The following BRD7 variants were observed in gnomAD, a reference collection of about 807,000 sequenced individuals.
The protein encoded by BRD7 is bromodomain containing 7.
A neutral mutation model predicts 82.1 loss-of-function variants in BRD7; 15 were observed. That is an observed-to-expected ratio of 0.18 (90% CI 0.12 to 0.28). The LOEUF is 0.28. BRD7 is among the 10% of genes least tolerant of loss of function. The pLI is 1.00. For synonymous variants in BRD7, 232 were observed against 266.9 expected, an observed-to-expected ratio of 0.87 and a Z score of 1.27; for missense variants, 638 against 779.9, an observed-to-expected ratio of 0.82 and a Z score of 2.17.
intron 8 of BRD7, among the ~76,000 whole-genome samples, chr16:50,331,547 CA>C (rs771768329): frequency 2.8e-4 from 43 of 152,138 alleles, no homozygotes; most frequent in African/African-American, 4.6e-4. Flanking sequence ...ACAAAAAATA[CA>C]AAAATTAGCC....
rs559757827 is a variant in BRD7 at position 50,339,269 on chromosome 16, A to C, written c.702+707T>G. On this transcript the variant is annotated intron_variant, in intron 6 of 16. Transcript: ENST00000394688. ...GTATATAGTCACATGTAGCTTAATG[A>C]AGGGACGCGTTCTGAGAAATGTACT... is the stretch of plus-strand genomic sequence containing the variant. Among the ~76,000 whole-genome samples the C allele has an allele frequency of 1.4e-4, 21 of 152,326 alleles. No homozygotes were observed. In the South Asian group the frequency reaches 4.4e-3, roughly 32 times the overall value.
chr16:50,350,431 A>T (rs1434402157), intron 4 of BRD7, among the ~76,000 whole-genome samples: 2 of 152,232 alleles, frequency 1.3e-5, no homozygotes, highest in Non-Finnish European at 2.9e-5. Context: ...ACACTTATAC[A>T]GGAAAACATG....
At chr16:50,343,287 T>C (rs2038146724) in intron 5 of BRD7, among the ~76,000 whole-genome samples, 1 of 152,222 alleles carries the variant, frequency 6.6e-6, no homozygotes, top group Non-Finnish European at 1.5e-5. Context: ...CTTGCTGTTC[T>C]TGTGATAATG....
At chr16:50,333,347 G>A (rs761010219) in intron 8 of BRD7, among the ~76,000 whole-genome samples, 1 of 152,074 alleles carries the variant, frequency 6.6e-6, no homozygotes, top group Non-Finnish European at 1.5e-5. Context: ...CATCCAACAC[G>A]CCCACTGTAA....
At chr16:50,320,467 T>TAACC in intron 14 of BRD7, 76 bp from the exon 15 acceptor site, 1 of 1,557,390 alleles carries the variant, frequency 6.4e-7, no homozygotes, top group Non-Finnish European at 8.7e-7. Context: ...AGGGCTTTGC[T>TAACC]AATTATTGGT....
At chr16:50,357,065 G>A (rs1219917577) in intron 2 of BRD7, among the ~76,000 whole-genome samples, 2 of 151,500 alleles carry the variant, frequency 1.3e-5, no homozygotes, top group Non-Finnish European at 2.9e-5. Context: ...ATTTTATTTT[G>A]CAAGAAACAA....
At chr16:50,341,290 A>C (rs2038042413) in intron 5 of BRD7, among the ~76,000 whole-genome samples, 1 of 152,032 alleles carries the variant, frequency 6.6e-6, no homozygotes, top group Non-Finnish European at 1.5e-5. Context: ...TATGGTATCC[A>C]AAGGACCCTA....
At position 50,333,707 on chromosome 16, in the gene BRD7, T is replaced by C. The variant is rs750002652; in HGVS notation, c.888-10A>G. 1 of 1,454,420 alleles carries C rather than the reference T, an allele frequency of 6.9e-7. No homozygotes were observed. The highest frequency in any genetic ancestry group is 9.2e-7 in the Non-Finnish European group (1 of 1,085,136). 90.1% of individuals were successfully genotyped at this position (1,454,420 alleles called of 1,614,324 possible). A position where few individuals can be genotyped will look rare whatever the true frequency, so the allele number is the denominator to read the frequency against. ...CATATCTTTGTCTTTCCTGAAAATA[T>C]ACATTAATACTAAGTAAAAAAAAAA... On this transcript the variant is annotated splice_polypyrimidine_tract_variant and intron_variant, in intron 7 of 16. Transcript: ENST00000394688.
At chr16:50,349,428 A>C (rs1054538404) in intron 5 of BRD7, 12 of 375,952 alleles carry the variant, frequency 3.2e-5, no homozygotes, top group Non-Finnish European at 5.8e-5. Context: ...ACCATCTAAA[A>C]AAAAAAAAGA....
chr16:50,368,471 G>T (rs1445284361), intron 1 of BRD7, 173 bp from the exon 2 acceptor site: 1 of 807,968 alleles, frequency 1.2e-6, no homozygotes, highest in Non-Finnish European at 1.9e-6. Context: ...GGCGCCGCCC[G>T]CCCCGAACGC....
chr16:50,347,064 G>A (rs182196604), intron 5 of BRD7, among the ~76,000 whole-genome samples: 3 of 152,158 alleles, frequency 2.0e-5, no homozygotes, highest in African/African-American at 7.2e-5. Flanking sequence ...TATCCACCAC[G>A]ATCAAGTTGG....
At chr16:50,339,914 T>A in intron 6 of BRD7, 62 bp downstream of exon 6, 2 of 961,386 alleles carry the variant, frequency 2.1e-6, no homozygotes, top group Non-Finnish European at 3.2e-6. Flanking sequence ...TGTATTACTA[T>A]GGCCAACAAA....
chr16:50,320,279 G>A lies in BRD7; in HGVS notation c.1725C>T (p.Leu575=). The A allele has an allele frequency of 6.2e-7, 1 of 1,614,154 alleles. No individual in the cohort carries two copies. Among genetic ancestry groups the A allele is most frequent in the Non-Finnish European group, 8.5e-7 (1 of 1,180,016 alleles). The change falls in exon 15 of 17, where the codon CTC becomes CTT. Residue 575 remains leucine (L), a synonymous_variant. Coordinates refer to ENST00000394688, the MANE Select transcript of BRD7 (RefSeq NM_013263.5). ...STRPPPNMIC[L]LGPSYREMHL... is the part of the protein sequence containing the mutation. ...GCATTTCTCTGTATGAGGGACCCAAGAGACAGATCATGTTCGGAGGGGGTC... is the reference window on the plus strand; with the variant it reads ...GCATTTCTCTGTATGAGGGACCCAAAAGACAGATCATGTTCGGAGGGGGTC...
Position 50,368,309 on chromosome 16 carries a change from G to C in BRD7, c.50-11C>G. ...GCTTCTCTACATACTCTTAAAAAAA[G>C]AAAAGAAAAGAAAGGAAAGCGCGTC... On this transcript the variant is annotated splice_polypyrimidine_tract_variant and intron_variant, in intron 1 of 16. Coordinates refer to ENST00000394688, the MANE Select transcript of BRD7 (RefSeq NM_013263.5). 3.1e-6 allele frequency: 5 copies of C among 1,596,774 alleles called. No individual in the cohort carries two copies. Among genetic ancestry groups the C allele is most frequent in the Middle Eastern group, 1.7e-4 (1 of 5,980 alleles).
chr16:50,354,334 G>T, intron 4 of BRD7, 91 bp downstream of exon 4: 3 of 1,060,798 alleles, frequency 2.8e-6, no homozygotes, highest in South Asian at 2.8e-5. Context: ...TTAAAATCAC[G>T]TATGTTTGGA....
At chr16:50,321,352 G>A (rs1357830018) in intron 13 of BRD7, among the ~76,000 whole-genome samples, 1 of 152,080 alleles carries the variant, frequency 6.6e-6, no homozygotes, top group Non-Finnish European at 1.5e-5. Context: ...CCTGACATTA[G>A]GAGTTTGAAA....
chr16:50,323,455 C>A (rs527955926), intron 12 of BRD7, 132 bp downstream of exon 12: 1 of 725,590 alleles, frequency 1.4e-6, no homozygotes, highest in Non-Finnish European at 2.3e-6. Flanking sequence ...GGCCTCCAGC[C>A]GGGCTGGGCT....
At chr16:50,340,221 C>A (rs1261181632) in intron 5 of BRD7, 135 bp from the exon 6 acceptor site, 1 of 459,008 alleles carries the variant, frequency 2.2e-6, no homozygotes, top group Non-Finnish European at 3.9e-6. Flanking sequence ...ACAATACTAA[C>A]AGTAATTTAT....
chr16:50,350,052 T>C lies in BRD7; in HGVS notation c.562A>G (p.Asn188Asp). 1 of 1,602,282 alleles carries C rather than the reference T, an allele frequency of 6.2e-7. No homozygotes were observed. The highest frequency in any genetic ancestry group is 8.5e-7 in the Non-Finnish European group (1 of 1,176,468). Reference sequence around the variant, plus strand: ...AGTTCTTCTATGGACTGATAGTCATTGTTCTTGATCTTTTCTTTCATGGTA... The same window carrying C: ...AGTTCTTCTATGGACTGATAGTCATCGTTCTTGATCTTTTCTTTCATGGTA... ...FSTMKEKIKN[N>D]DYQSIEELKD... The change falls in exon 5 of 17, where the codon AAT (asparagine) becomes GAT (aspartate). Residue 188 changes from asparagine (N) to aspartate (D), a missense_variant. By Grantham distance (23) the Asn-to-Asp change is conservative. Coordinates refer to ENST00000394688, the MANE Select transcript of BRD7 (RefSeq NM_013263.5).
Sources: gnomAD v4.1 joint callset for allele counts (sites outside exome capture counted in the v4.1 genomes callset) on GRCh38, gnomAD v4.1.1 for gene constraint, MANE v1.5 for transcripts, NCBI Gene and HGNC (gene_info 2026-07-23, HGNC 2026-07-21) for gene names.